The following RIT2 variants were observed in gnomAD, a reference collection of about 807,000 sequenced individuals.
RIT2 encodes Ras like without CAAX 2, also known as GTP-binding protein Rit2.
Under a neutral mutation model 23.7 loss-of-function variants are expected in RIT2, and 24 were observed. The ratio of observed to expected loss-of-function variants is 1.01; its 90% confidence interval spans 0.73 to 1.43. The LOEUF is 1.43. RIT2 is among the 40% of genes most tolerant of loss of function. RIT2 has a pLI of 0.00. For synonymous variants in RIT2, 107 were observed against 91.1 expected, an observed-to-expected ratio of 1.17 and a Z score of -0.99; for missense variants, 236 against 266.9, an observed-to-expected ratio of 0.88 and a Z score of 0.81.
chr18:43,107,803 T>G (rs1913860170), intron 1 of RIT2, among the ~76,000 whole-genome samples: 1 of 152,078 alleles, frequency 6.6e-6, no homozygotes, highest in Non-Finnish European at 1.5e-5. Context: ...CTCCGTTGTT[T>G]GTGTAGAAAA....
chr18:42,765,537 C>T (rs1913400720), intron 4 of RIT2, among the ~76,000 whole-genome samples: 1 of 152,138 alleles, frequency 6.6e-6, no homozygotes, highest in Non-Finnish European at 1.5e-5. Context: ...AGACAGCCAA[C>T]TTTCTGCTAA....
chr18:43,055,252 G>T (rs1197668477), intron 1 of RIT2, among the ~76,000 whole-genome samples: 1 of 152,132 alleles, frequency 6.6e-6, no homozygotes, highest in East Asian at 1.9e-4. Flanking sequence ...ACGAAGAAAA[G>T]CTGTGTAAGC....
intron 4 of RIT2, among the ~76,000 whole-genome samples, chr18:42,861,927 T>A (rs929864784): frequency 2.0e-5 from 3 of 152,152 alleles, no homozygotes; most frequent in Non-Finnish European, 2.9e-5. Context: ...TGCCAGAAAA[T>A]TTTTTAGATC....
chr18:42,990,513 CT>C (rs2144226780), intron 2 of RIT2, among the ~76,000 whole-genome samples: 1 of 152,310 alleles, frequency 6.6e-6, no homozygotes, highest in East Asian at 1.9e-4. Flanking sequence ...GTTACACTCC[CT>C]ATTGAACTTC....
intron 3 of RIT2, among the ~76,000 whole-genome samples, chr18:42,952,244 T>C (rs1304861323): frequency 2.0e-5 from 3 of 152,218 alleles, no homozygotes; most frequent in Non-Finnish European, 2.9e-5. Context: ...TGGATGAACA[T>C]TGAGGACATT....
intron 3 of RIT2, among the ~76,000 whole-genome samples, chr18:42,936,026 C>T (rs1909449744): frequency 6.6e-6 from 1 of 151,330 alleles, no homozygotes; most frequent in Non-Finnish European, 1.5e-5. Flanking sequence ...GGGGGTGGTG[C>T]AGGGAGCAGC....
At chr18:42,814,147 A>T (rs1048726004) in intron 4 of RIT2, among the ~76,000 whole-genome samples, 4 of 152,176 alleles carry the variant, frequency 2.6e-5, no homozygotes, top group Admixed American at 6.5e-5. Context: ...AGGCACTGGG[A>T]AAAGGCCGCA....
chr18:43,105,132 T>G lies in RIT2; in HGVS notation c.103+10285A>C, dbSNP rs182225697. 7.2e-3 allele frequency among the ~76,000 whole-genome samples: 632 copies of G among 87,556 alleles called. 1 individual carries two copies. The highest frequency in any genetic ancestry group is 0.02 in the African/African-American group (491 of 24,134). The allele number at this position is 87,556 out of a possible 152,430, so 57.4% of individuals were successfully genotyped here. A position where few individuals can be genotyped will look rare whatever the true frequency, so the allele number is the denominator to read the frequency against. On this transcript the variant is annotated intron_variant, in intron 1 of 4. Transcript: ENST00000326695. ...TGTGTGTGTGTGTGTGTGTGTGTGT[T>G]TGTGTGTGTGTGTGTGTGTTTGTGT... is the stretch of plus-strand genomic sequence containing the variant.
chr18:42,847,706 G>A (rs1418548222), intron 4 of RIT2, among the ~76,000 whole-genome samples: 23 of 151,714 alleles, frequency 1.5e-4, no homozygotes, highest in Admixed American at 1.5e-3. Context: ...ATTATTTGTA[G>A]CTATGTTCTA....
intron 4 of RIT2, among the ~76,000 whole-genome samples, chr18:42,788,609 A>G (rs1415785364): frequency 6.6e-6 from 1 of 152,110 alleles, no homozygotes; most frequent in African/African-American, 2.4e-5. Context: ...ATCACCACCA[A>G]TTTTGTCAGA....
rs202098920 is a variant in RIT2 at position 43,020,680 on chromosome 18, CAA to C, written c.160+13129_160+13130del. 9.4e-3 allele frequency among the ~76,000 whole-genome samples: 1,429 copies of C among 152,044 alleles called. 19 individuals carry two copies. The highest frequency in any genetic ancestry group is 0.015 in the Non-Finnish European group (1,031 of 67,946). The stretch of plus-strand genomic sequence containing the variant: ...AATAGACACACATAATCCAAGGAAG[CAA>C]AATGGAGCACCCAGAAAGAAATCCA... On this transcript the variant is annotated intron_variant, in intron 2 of 4. Coordinates refer to ENST00000326695, the MANE Select transcript of RIT2 (RefSeq NM_002930.4).
At chr18:42,754,734 T>G (rs1036540921) in intron 4 of RIT2, among the ~76,000 whole-genome samples, 34 of 152,182 alleles carry the variant, frequency 2.2e-4, no homozygotes, top group African/African-American at 8.0e-4. Flanking sequence ...GCCACACACT[T>G]TGCAGTGGCA....
chr18:43,093,751 C>T (rs1224968103), intron 1 of RIT2, among the ~76,000 whole-genome samples: 1 of 151,996 alleles, frequency 6.6e-6, no homozygotes, highest in Admixed American at 6.6e-5. Flanking sequence ...CCAGAGACAA[C>T]TGGGGAACTG....
At chr18:42,969,456 A>T (rs921932649) in intron 3 of RIT2, among the ~76,000 whole-genome samples, 1 of 152,160 alleles carries the variant, frequency 6.6e-6, no homozygotes, top group Admixed American at 6.6e-5. Context: ...TATCTGGAAG[A>T]CACTTTAGAG....
At chr18:42,783,114 T>C (rs542459906) in intron 4 of RIT2, among the ~76,000 whole-genome samples, 2 of 152,244 alleles carry the variant, frequency 1.3e-5, no homozygotes, top group African/African-American at 4.8e-5. Flanking sequence ...TGAGTATTAG[T>C]GTCTTACCAA....
intron 4 of RIT2, among the ~76,000 whole-genome samples, chr18:42,809,691 A>G (rs1191803819): frequency 6.6e-6 from 1 of 151,470 alleles, no homozygotes; most frequent in Non-Finnish European, 1.5e-5. Flanking sequence ...TGACTAGTTT[A>G]CAGTAATCTA....
At chr18:43,020,848 T>C (rs1398048048) in intron 2 of RIT2, among the ~76,000 whole-genome samples, 1 of 152,090 alleles carries the variant, frequency 6.6e-6, no homozygotes, top group Non-Finnish European at 1.5e-5. Context: ...TCTCACTACA[T>C]GCACAAAAAA....
rs148480481 is a variant in RIT2, at chr18:43,005,786, T to C, written c.160+28025A>G. ...CTCCACATTGCATGGGATCAGCATA[T>C]GTGTAAGAGAAAACAGAAACAGAGG... is the stretch of plus-strand genomic sequence containing the variant. On this transcript the variant is annotated intron_variant, in intron 2 of 4. Coordinates refer to ENST00000326695, the MANE Select transcript of RIT2 (RefSeq NM_002930.4). 7.6e-3 allele frequency among the ~76,000 whole-genome samples: 1,155 copies of C among 151,876 alleles called. 19 individuals carry two copies. Among genetic ancestry groups the C allele is most frequent in the African/African-American group, 0.027 (1,110 of 41,496 alleles).
At chr18:42,850,383 G>A (rs533754789) in intron 4 of RIT2, among the ~76,000 whole-genome samples, 3 of 152,220 alleles carry the variant, frequency 2.0e-5, no homozygotes, top group East Asian at 3.9e-4. Context: ...GTTTATGCAC[G>A]GTTAATGGAT....
Sources: allele counts gnomAD v4.1 joint callset (sites outside exome capture counted in the v4.1 genomes callset), GRCh38; gene constraint gnomAD v4.1.1; transcripts MANE v1.5; gene names NCBI Gene and HGNC (gene_info 2026-07-23, HGNC 2026-07-21).